PRDX5: variants seen among roughly 807,000 people sequenced by gnomAD.
PRDX5 encodes the protein peroxiredoxin 5.
PRDX5 carries 21 observed loss-of-function variants against 23.8 expected under a neutral mutation model. The ratio of observed to expected loss-of-function variants is 0.88; its 90% CI spans 0.63 to 1.27. The LOEUF (loss-of-function observed/expected upper bound fraction) is 1.27. Ranked by LOEUF, PRDX5 falls within the 50% of genes most tolerant of loss-of-function variation. The probability of loss-of-function intolerance (pLI) is 0.00; values close to 1 mark genes in which losing one functional copy is unlikely to be tolerated. For missense variants in PRDX5, 261 were observed against 270.6 expected (o/e 0.96, Z 0.25); for synonymous variants, 111 against 113.3 (o/e 0.98, Z 0.13).
At chr11:64,321,423 T>C (rs1278804833) in intron 5 of PRDX5, among the ~76,000 whole-genome samples, 163 bp from the exon 6 acceptor site, 3 of 148,002 alleles carry the variant, frequency 2.0e-5, no homozygotes, top group East Asian at 4.0e-4. Context: ...GTCCTCTGTG[T>C]GGAGAGAGTC....
intron 1 of PRDX5, 73 bp downstream of exon 1, chr11:64,318,459 G>A: frequency 2.0e-6 from 3 of 1,520,942 alleles, no homozygotes; most frequent in East Asian, 2.4e-5. Context: ...TAGTCTGAGA[G>A]TATCGCTTTA....
intron 2 of PRDX5, 108 bp downstream of exon 2, chr11:64,319,976 C>A: frequency 6.9e-7 from 1 of 1,458,622 alleles, no homozygotes; most frequent in Non-Finnish European, 9.2e-7. Context: ...AGTGCCATCA[C>A]AAAACAAGTA....
chr11:64,318,315 A>G lies in PRDX5; in HGVS notation c.100A>G (p.Ser34Gly), dbSNP rs1280555634. Residue 34 changes from serine to glycine, a missense_variant, in exon 1 of 6, where the codon AGT (serine) becomes GGT (glycine). Physicochemically the swap from Ser to Gly is moderately conservative, Grantham distance 56. Coordinates refer to ENST00000265462, the MANE Select transcript of PRDX5 (RefSeq NM_012094.5). ...TGCGGCAGCGGCAGCAAGACGGTAC[A>G]GTGAAGGAGAGTGGGCGTCTGGCGG... ...QSAAAAARRY[S>G]EGEWASGGVR... 1 of 1,612,608 alleles carries G rather than the reference A, an allele frequency of 6.2e-7. No individual in the cohort carries two copies. The highest frequency in any genetic ancestry group is 1.7e-5 in the Admixed American group (1 of 60,002).
In PRDX5 at chr11:64,320,299, GAAAAC is replaced by G. The variant is rs1183922810; in HGVS notation, c.307-359_307-355del. Among the ~76,000 whole-genome samples, 13 of 149,022 alleles carry G rather than the reference GAAAAC, an allele frequency of 8.7e-5. No homozygotes were observed. The South Asian group carries it at 2.8e-3, about 32-fold the overall frequency. The stretch of plus-strand genomic sequence containing the variant: ...GTCTCAAAATGAAAAAAAAAAAAAA[GAAAAC>G]AAGTAGAGACTGCAAAAAGGGAACA... On this transcript the variant is annotated intron_variant, in intron 2 of 5. Transcript: ENST00000265462.
Position 64,320,994 on chromosome 11 carries a change from T to G in PRDX5, c.478-13T>G, listed in dbSNP as rs369550754. On this transcript the variant is annotated splice_polypyrimidine_tract_variant and intron_variant, in intron 4 of 5. Transcript: ENST00000265462. ...TTCAAGGATTTCTGACACTTTTCTC[T>G]GTCTCTTCTTAGGAGACAGACTTAT... 11 of 1,614,124 alleles carry G rather than the reference T, an allele frequency of 6.8e-6. No individual in the cohort carries two copies. Among genetic ancestry groups the G allele is most frequent in the Non-Finnish European group, 8.5e-6 (10 of 1,179,976 alleles).
Position 64,321,006 on chromosome 11 carries a change from G to A in PRDX5, c.478-1G>A, listed in dbSNP as rs1450770219. On this transcript the variant is annotated splice_acceptor_variant, in intron 4 of 5. Coordinates refer to ENST00000265462, the MANE Select transcript of PRDX5 (RefSeq NM_012094.5). LOFTEE classifies it high-confidence loss of function. ...TGACACTTTTCTCTGTCTCTTCTTA[G>A]GAGACAGACTTATTACTAGATGATT... 1 of 1,613,994 alleles carries A rather than the reference G, an allele frequency of 6.2e-7. No homozygotes were observed. The highest frequency in any genetic ancestry group is 1.1e-5 in the South Asian group (1 of 91,078).
At chr11:64,318,488 C>T (rs1276434349) in intron 1 of PRDX5, 102 bp downstream of exon 1, 1 of 1,423,382 alleles carries the variant, frequency 7.0e-7, no homozygotes, top group Non-Finnish European at 9.4e-7. Context: ...CTGCCAGACC[C>T]CTCCCCTCCG....
chr11:64,320,153 G>T (rs1185175168), intron 2 of PRDX5, among the ~76,000 whole-genome samples: 1 of 152,142 alleles, frequency 6.6e-6, no homozygotes, highest in Non-Finnish European at 1.5e-5. Flanking sequence ...GGTGGCGGGC[G>T]CCTGTAATCC....
chr11:64,321,724 C>T lies in PRDX5; in HGVS notation c.*33C>T. On this transcript the variant is annotated 3_prime_UTR_variant, in exon 6 of 6. Coordinates refer to ENST00000265462, the MANE Select transcript of PRDX5 (RefSeq NM_012094.5). ...GGCCAGATTACTTCCTCCACCCCTC[C>T]CTATCTCACCTGCCCAGCCCTGTGC... The T allele has an allele frequency of 6.5e-7, 1 of 1,541,070 alleles. No homozygotes were observed. Among genetic ancestry groups the T allele is most frequent in the Middle Eastern group, 2.3e-4 (1 of 4,334 alleles).
Position 64,321,558 on chromosome 11 carries a change from C to T in PRDX5, c.540-28C>T, listed in dbSNP as rs757421827. 6.2e-6 allele frequency: 10 copies of T among 1,607,394 alleles called. No homozygotes were observed. In the South Asian group the frequency reaches 8.8e-5, roughly 14 times the overall value. On this transcript the variant is annotated intron_variant, in intron 5 of 5. Coordinates refer to ENST00000265462, the MANE Select transcript of PRDX5 (RefSeq NM_012094.5). ...CCCAGCCTCCAAGCCCAGGCTGATG[C>T]AGCTGGCTGGGCCCCTCTTTCCGGC...
In PRDX5 at chr11:64,318,310, G is replaced by C; in HGVS notation, c.95G>C (p.Arg32Pro). 6.2e-7 allele frequency: 1 copy of C among 1,612,736 alleles called. No individual in the cohort carries two copies. Among genetic ancestry groups the C allele is most frequent in the Non-Finnish European group, 8.5e-7 (1 of 1,179,860 alleles). Residue 32 changes from arginine (R) to proline (P), a missense_variant, in exon 1 of 6, where the codon CGG becomes CCG. Physicochemically the swap from Arg to Pro is moderately radical, Grantham distance 103 (BLOSUM62 -2). Coordinates refer to ENST00000265462, the MANE Select transcript of PRDX5 (RefSeq NM_012094.5). ...GGQSAAAAAR[R>P]YSEGEWASGG... is the part of the protein sequence containing the mutation. ...CAGTCTGCGGCAGCGGCAGCAAGAC[G>C]GTACAGTGAAGGAGAGTGGGCGTCT... is the stretch of plus-strand genomic sequence containing the variant.
chr11:64,318,232 T>A lies in PRDX5; in HGVS notation c.17T>A (p.Val6Glu), dbSNP rs978559577. Reference sequence around the variant, plus strand: ...GGGGCGGGTATGGGACTAGCTGGCGTGTGCGCCCTGAGACGCTCAGCGGGC... The same window carrying A: ...GGGGCGGGTATGGGACTAGCTGGCGAGTGCGCCCTGAGACGCTCAGCGGGC... MGLAG[V>E]CALRRSAGYI... The change falls in exon 1 of 6, where the codon GTG (valine) becomes GAG (glutamate). Residue 6 changes from valine to glutamate, a missense_variant. Val to Glu is a moderately radical substitution (Grantham distance 121). Transcript: ENST00000265462. The A allele has an allele frequency of 6.2e-7, 1 of 1,611,734 alleles. No homozygotes were observed. Among genetic ancestry groups the A allele is most frequent in the Admixed American group, 1.7e-5 (1 of 60,004 alleles).
chr11:64,319,114 G>C (rs896494950), intron 1 of PRDX5, among the ~76,000 whole-genome samples: 2 of 151,564 alleles, frequency 1.3e-5, no homozygotes, highest in Non-Finnish European at 2.9e-5. Context: ...ACTTCATCCT[G>C]CTCTCAACCT....
chr11:64,321,001 T>C lies in PRDX5; in HGVS notation c.478-6T>C, dbSNP rs1004621084. The C allele has an allele frequency of 3.1e-6, 5 of 1,613,990 alleles. No homozygotes were observed. In the African/African-American group the frequency reaches 6.7e-5, roughly 22 times the overall value. ...ATTTCTGACACTTTTCTCTGTCTCT[T>C]CTTAGGAGACAGACTTATTACTAGA... On this transcript the variant is annotated splice_polypyrimidine_tract_variant and splice_region_variant and intron_variant, in intron 4 of 5. Transcript: ENST00000265462.
chr11:64,318,798 C>G (rs899525875), intron 1 of PRDX5, among the ~76,000 whole-genome samples: 2 of 151,588 alleles, frequency 1.3e-5, no homozygotes, highest in Non-Finnish European at 2.9e-5. Context: ...GATTTCACCC[C>G]GTTGTTCAGA....
intron 1 of PRDX5, among the ~76,000 whole-genome samples, chr11:64,319,471 C>T (rs996014332): frequency 5.9e-5 from 9 of 152,232 alleles, no homozygotes; most frequent in African/African-American, 2.2e-4. Flanking sequence ...CCCTTTGCGA[C>T]ACATGGGGAA....
At chr11:64,318,515 C>T in intron 1 of PRDX5, 129 bp downstream of exon 1, 5 of 1,233,414 alleles carry the variant, frequency 4.1e-6, no homozygotes, top group African/African-American at 1.5e-5. Flanking sequence ...CGGCTCATCC[C>T]TTCAGAAGGC....
chr11:64,320,170 C>T (rs627425), intron 2 of PRDX5, among the ~76,000 whole-genome samples: 44,475 of 151,850 alleles, frequency 0.29, 7,559 homozygotes, highest in Non-Finnish European at 0.37. Context: ...ATCCCAGGTA[C>T]TGGGGAGGCT....
chr11:64,320,710 G>A lies in PRDX5; in HGVS notation c.356G>A (p.Gly119Glu). ...CAGGCTGAGGCTCTGAAGGCCAAGG[G>A]AGTCCAGGTGGTGGCCTGTCTGAGT... ...VEQAEALKAK[G>E]VQVVACLSVN... Residue 119 changes from glycine (G) to glutamate (E), a missense_variant, in exon 3 of 6, where the codon GGA (glycine) becomes GAA (glutamate). Gly to Glu is a moderately conservative substitution (Grantham distance 98). Coordinates refer to ENST00000265462, the MANE Select transcript of PRDX5 (RefSeq NM_012094.5). 6.2e-7 allele frequency: 1 copy of A among 1,613,566 alleles called. No homozygotes were observed.
Sources: gnomAD v4.1 joint callset for allele counts (sites outside exome capture counted in the v4.1 genomes callset) on GRCh38, gnomAD v4.1.1 for gene constraint, MANE v1.5 for transcripts, NCBI Gene and HGNC (gene_info 2026-07-23, HGNC 2026-07-21) for gene names.